The following STAT5A variants were observed in gnomAD, a reference collection of about 807,000 sequenced individuals.
The protein encoded by STAT5A is epididymis secretory sperm binding protein.
A neutral mutation model predicts 100.2 loss-of-function variants in STAT5A; 26 were observed. That is an observed-to-expected ratio of 0.26 (90% confidence interval 0.19 to 0.36). The LOEUF (loss-of-function observed/expected upper bound fraction) is 0.36. Among genes scored for constraint, STAT5A ranks in the 10% least tolerant of loss-of-function variants. The probability of loss-of-function intolerance (pLI) is 1.00; values close to 1 mark genes in which losing one functional copy is unlikely to be tolerated. For synonymous variants in STAT5A, 330 were observed against 424.3 expected (o/e 0.78, Z 2.73); for missense variants, 634 against 1,027.5 (o/e 0.62, Z 5.24).
chr17:42,310,590 G>T lies in STAT5A; in HGVS notation c.2306G>T (p.Arg769Leu), dbSNP rs745972463. The change falls in exon 19 of 19, where the codon CGC becomes CTC. Residue 769 changes from arginine to leucine, a missense_variant. By Grantham distance (102) the Arg-to-Leu change is moderately radical (BLOSUM62 -2). Around this residue, in one of 5 missense-constraint regions of STAT5A, gnomAD observed 88 missense variants for 95.1 expected, o/e 0.92. Transcript: ENST00000590949. ...GCCAGGCACGTGGAGGAACTCTTAC[G>T]CCGACCAATGGACAGTCTTGACTCC... ...DVARHVEELLRRPMDSLDSRL... is the reference protein window; with the variant it reads ...DVARHVEELLLRPMDSLDSRL... The T allele has an allele frequency of 6.2e-7, 1 of 1,614,196 alleles. No individual in the cohort carries two copies. The highest frequency in any genetic ancestry group is 8.5e-7 in the Non-Finnish European group (1 of 1,180,040).
At chr17:42,294,203 G>A (rs560514437) in intron 4 of STAT5A, among the ~76,000 whole-genome samples, 48 of 149,044 alleles carry the variant, frequency 3.2e-4, no homozygotes, top group South Asian at 2.4e-3. Flanking sequence ...GCAACAGAGC[G>A]AGACTCTGTA....
chr17:42,292,591 C>G (rs1266229844), intron 4 of STAT5A, among the ~76,000 whole-genome samples: 1 of 150,480 alleles, frequency 6.6e-6, no homozygotes, highest in East Asian at 2.0e-4. Context: ...TCCCAAAGTA[C>G]TGGGGTTACA....
chr17:42,294,001 C>A (rs777178485), intron 4 of STAT5A, among the ~76,000 whole-genome samples: 1 of 151,908 alleles, frequency 6.6e-6, no homozygotes, highest in Non-Finnish European at 1.5e-5. Context: ...GATCACCTGA[C>A]GTCAGAAGTT....
At chr17:42,309,201 A>T in intron 17 of STAT5A, 103 bp downstream of exon 17, 1 of 1,597,330 alleles carries the variant, frequency 6.3e-7, no homozygotes, top group Non-Finnish European at 8.6e-7. Context: ...TCCCCCAGGG[A>T]ACCTGTCTCA....
chr17:42,308,246 C>T lies in STAT5A; in HGVS notation c.1975C>T (p.Arg659Trp), dbSNP rs1331759850. 1 of 1,614,222 alleles carries T rather than the reference C, an allele frequency of 6.2e-7. No homozygotes were observed. Among genetic ancestry groups the T allele is most frequent in the Non-Finnish European group, 8.5e-7 (1 of 1,180,038 alleles). ...RDFSIRSLAD[R>W]LGDLSYLIYV... ...TTTCTCCATCAGGTCCCTGGCTGAC[C>T]GGCTGGGGGACCTGAGCTATCTCAT... Residue 659 changes from arginine (R) to tryptophan (W), a missense_variant, in exon 16 of 19, where the codon CGG becomes TGG. Physicochemically the swap from Arg to Trp is moderately radical, Grantham distance 101 (BLOSUM62 -3). This residue lies in a region of STAT5A where 210 missense variants were observed against 428.4 expected (regional missense o/e 0.49). Coordinates refer to ENST00000590949, the MANE Select transcript of STAT5A (RefSeq NM_001288718.2). The surrounding 1 kb of genome is among the most constrained non-coding windows in gnomAD (Gnocchi z 4.6).
In STAT5A at chr17:42,308,731, C is replaced by G. The variant is rs753907913; in HGVS notation, c.2063-316C>G. ...TGCAGGCAGCAAAAGGGAGAAGTCT[C>G]TCTTCTTCCAGCTGCCCCAAATCCA... On this transcript the variant is annotated intron_variant, in intron 16 of 18. Coordinates refer to ENST00000590949, the MANE Select transcript of STAT5A (RefSeq NM_001288718.2). This position sits in a 1 kb window ranked among gnomAD's most constrained non-coding sequence, Gnocchi z 4.6. The G allele has an allele frequency of 3.0e-5, 15 of 507,454 alleles. No homozygotes were observed. The highest frequency in any genetic ancestry group is 4.6e-5 in the Non-Finnish European group (13 of 281,436). 31.4% of individuals were successfully genotyped at this position (507,454 alleles called of 1,614,324 possible). A position where few individuals can be genotyped will look rare whatever the true frequency, so the allele number is the denominator to read the frequency against.
intron 4 of STAT5A, 45 bp downstream of exon 4, chr17:42,292,106 C>T: frequency 6.2e-7 from 1 of 1,600,716 alleles, no homozygotes; most frequent in Non-Finnish European, 8.6e-7. Context: ...GAAGTCCCTC[C>T]ATATGCCTTT....
chr17:42,295,888 C>A, intron 5 of STAT5A, 95 bp downstream of exon 5: 1 of 1,536,720 alleles, frequency 6.5e-7, no homozygotes. Flanking sequence ...TGTCCATCTC[C>A]TCAGCACTTT....
At chr17:42,302,870 C>T (rs1322008688) in intron 9 of STAT5A, among the ~76,000 whole-genome samples, 1 of 151,960 alleles carries the variant, frequency 6.6e-6, no homozygotes, top group African/African-American at 2.4e-5. Flanking sequence ...GCAAGAAAAT[C>T]ACTTGAACCC....
At chr17:42,306,486 C>A (rs372981730) in intron 13 of STAT5A, 39 bp downstream of exon 13, 53 of 1,580,104 alleles carry the variant, frequency 3.4e-5, no homozygotes, top group Non-Finnish European at 4.4e-5. Flanking sequence ...CAGGGCCCAC[C>A]GGGGTCTGTT....
At chr17:42,299,622 C>A in intron 5 of STAT5A, 129 bp from the exon 6 acceptor site, 1 of 1,486,878 alleles carries the variant, frequency 6.7e-7, no homozygotes, top group Admixed American at 2.1e-5. Context: ...CTGTCAGGAA[C>A]CCCGACTTGC....
intron 9 of STAT5A, among the ~76,000 whole-genome samples, chr17:42,303,430 C>G (rs558444776): frequency 6.6e-6 from 1 of 152,242 alleles, no homozygotes; most frequent in Admixed American, 6.5e-5. Context: ...GCAATCTAGG[C>G]TGGGCACAGT....
At position 42,289,276 on chromosome 17, in the gene STAT5A, A is replaced by G. The variant is rs929136192; in HGVS notation, c.-10-126A>G. ...ATCTCTGTTCCCGCACAGGAAAGCTATCTGTGGGAGGGGAGGGGCCTGGCC... is the reference window on the plus strand; with the variant it reads ...ATCTCTGTTCCCGCACAGGAAAGCTGTCTGTGGGAGGGGAGGGGCCTGGCC... On this transcript the variant is annotated intron_variant, in intron 1 of 18. Coordinates refer to ENST00000590949, the MANE Select transcript of STAT5A (RefSeq NM_001288718.2). 35 of 1,077,906 alleles carry G rather than the reference A, an allele frequency of 3.2e-5. No individual in the cohort carries two copies. In the South Asian group the frequency reaches 6.1e-4, roughly 19 times the overall value. The allele number at this position is 1,077,906 out of a possible 1,614,324, so 66.8% of individuals were successfully genotyped here. A position where few individuals can be genotyped will look rare whatever the true frequency, so the allele number is the denominator to read the frequency against.
At chr17:42,292,947 T>C (rs1005386397) in intron 4 of STAT5A, among the ~76,000 whole-genome samples, 14 of 152,060 alleles carry the variant, frequency 9.2e-5, no homozygotes, top group Middle Eastern at 3.5e-3. Flanking sequence ...TCTTGTAAAA[T>C]GGAGATAGCA....
intron 8 of STAT5A, 132 bp downstream of exon 8, chr17:42,301,002 C>T: frequency 6.5e-7 from 1 of 1,540,010 alleles, no homozygotes; most frequent in Non-Finnish European, 8.8e-7. Flanking sequence ...TCTCCAGTTG[C>T]TGTGGCTGCT....
chr17:42,289,431 C>G lies in STAT5A; in HGVS notation c.20C>G (p.Ala7Gly). 1 of 1,611,582 alleles carries G rather than the reference C, an allele frequency of 6.2e-7. No homozygotes were observed. Among genetic ancestry groups the G allele is most frequent in the Non-Finnish European group, 8.5e-7 (1 of 1,179,256 alleles). Reference sequence around the variant, plus strand: ...ACGGCCATGGCGGGCTGGATCCAGGCCCAGCAGCTGCAGGGAGACGCGCTG... The same window carrying G: ...ACGGCCATGGCGGGCTGGATCCAGGGCCAGCAGCTGCAGGGAGACGCGCTG... MAGWIQ[A>G]QQLQGDALRQ... The change falls in exon 2 of 19, where the codon GCC (alanine) becomes GGC (glycine). Residue 7 changes from alanine to glycine, a missense_variant. Coordinates refer to ENST00000590949, the MANE Select transcript of STAT5A (RefSeq NM_001288718.2).
chr17:42,309,166 C>T (rs781375043), intron 17 of STAT5A, 68 bp downstream of exon 17: 1 of 1,611,602 alleles, frequency 6.2e-7, no homozygotes, highest in Non-Finnish European at 8.5e-7. Context: ...TGCCTCCCAT[C>T]CTGATCCTGG....
rs905515358 is a variant in STAT5A at position 42,288,876 on chromosome 17, G to A, written c.-11+278G>A. On this transcript the variant is annotated intron_variant, in intron 1 of 18. Coordinates refer to ENST00000590949, the MANE Select transcript of STAT5A (RefSeq NM_001288718.2). This position sits in a 1 kb window ranked among gnomAD's most constrained non-coding sequence, Gnocchi z 4.8. ...CCGGGGAGGCACTAGTGCACAGATG[G>A]GGGAGCAGCCGAAGAGGGGAGCGCC... Among the ~76,000 whole-genome samples the A allele has an allele frequency of 1.3e-5, 2 of 152,226 alleles. No homozygotes were observed. The highest frequency in any genetic ancestry group is 2.4e-5 in the African/African-American group (1 of 41,466).
At chr17:42,298,166 A>G (rs544296214) in intron 5 of STAT5A, among the ~76,000 whole-genome samples, 5 of 150,446 alleles carry the variant, frequency 3.3e-5, no homozygotes, top group African/African-American at 7.4e-5. Context: ...TTCATAATGG[A>G]TACTTTTTTT....
Sources: allele counts gnomAD v4.1 joint callset (sites outside exome capture counted in the v4.1 genomes callset), GRCh38; gene constraint gnomAD v4.1.1; regional missense constraint gnomAD v4.1.1; non-coding constraint Gnocchi (gnomAD v3.1); transcripts MANE v1.5; gene names NCBI Gene and HGNC (gene_info 2026-07-23, HGNC 2026-07-21).